HNRNPM: variants seen among roughly 807,000 people sequenced by gnomAD.
The protein encoded by HNRNPM is CEA receptor.
HNRNPM carries 11 observed loss-of-function variants against 73.1 expected under a neutral mutation model. The ratio of observed to expected loss-of-function variants is 0.15; its 90% confidence interval spans 0.09 to 0.25. The LOEUF is 0.25. Ranked by LOEUF, HNRNPM falls within the 10% of genes least tolerant of loss-of-function variation. The probability of loss-of-function intolerance (pLI) is 1.00; values close to 1 mark genes in which losing one functional copy is unlikely to be tolerated. For synonymous variants in HNRNPM, 407 were observed against 355.2 expected, an observed-to-expected ratio of 1.15 and a Z score of -1.64; for missense variants, 789 against 1,067.9, an observed-to-expected ratio of 0.74 and a Z score of 3.64.
intron 1 of HNRNPM, among the ~76,000 whole-genome samples, chr19:8,448,655 A>T (rs980422619): frequency 2.0e-5 from 3 of 149,670 alleles, no homozygotes; most frequent in African/African-American, 4.9e-5. Context: ...TTTTTTTAAT[A>T]TTTTTTTTTA....
intron 12 of HNRNPM, among the ~76,000 whole-genome samples, chr19:8,480,694 T>C (rs1970855488): frequency 6.6e-6 from 1 of 151,956 alleles, no homozygotes; most frequent in East Asian, 1.9e-4. Context: ...GCATCTTTAC[T>C]TCTGTAGGAA....
chr19:8,487,795 A>G (rs1971418453), intron 15 of HNRNPM: 1 of 152,314 alleles, frequency 6.6e-6, no homozygotes, highest in African/African-American at 2.4e-5. Flanking sequence ...CCGTTGAGTC[A>G]TGATCTGCCT....
Position 8,467,596 on chromosome 19 carries a change from G to A in HNRNPM, c.834+12G>A. 6.3e-7 allele frequency: 1 copy of A among 1,594,564 alleles called. No homozygotes were observed. The highest frequency in any genetic ancestry group is 8.6e-7 in the Non-Finnish European group (1 of 1,162,198). On this transcript the variant is annotated intron_variant, in intron 8 of 15. Transcript: ENST00000325495. ...TGCACGTCAAGATGGTAAGTCAGTA[G>A]GATCTTTCTCTGTGATATACTCAAG...
At chr19:8,463,181 A>G (rs374866573) in intron 3 of HNRNPM, among the ~76,000 whole-genome samples, 1 of 152,224 alleles carries the variant, frequency 6.6e-6, no homozygotes, top group African/African-American at 2.4e-5. Flanking sequence ...GATTGAGTAC[A>G]GAGGGAAGCA....
chr19:8,471,766 C>T (rs919614616), intron 10 of HNRNPM, among the ~76,000 whole-genome samples: 2 of 152,126 alleles, frequency 1.3e-5, no homozygotes, highest in African/African-American at 4.8e-5. Context: ...CTCCTGACCA[C>T]GGGACCATAG....
intron 1 of HNRNPM, among the ~76,000 whole-genome samples, chr19:8,451,823 T>C (rs1968652620): frequency 1.3e-5 from 2 of 152,176 alleles, no homozygotes; most frequent in Non-Finnish European, 2.9e-5. Flanking sequence ...TGAGCCACCA[T>C]GGCCAGTCTG....
intron 9 of HNRNPM, among the ~76,000 whole-genome samples, chr19:8,470,585 C>T (rs533011382): frequency 8.5e-5 from 13 of 152,326 alleles, no homozygotes; most frequent in East Asian, 3.9e-4. Flanking sequence ...GCCTTGGCCT[C>T]CCAAAGTGCT....
chr19:8,488,692 C>T lies in HNRNPM; in HGVS notation c.2031C>T (p.Gly677=). 6.2e-7 allele frequency: 1 copy of T among 1,612,882 alleles called. No individual in the cohort carries two copies. Among genetic ancestry groups the T allele is most frequent in the Non-Finnish European group, 8.5e-7 (1 of 1,179,210 alleles). The stretch of plus-strand genomic sequence containing the variant: ...TCTCTTCTTCCCTCCCTGTCCTAGG[C>T]CACGTGCTGTACGCCGACATCAAGA... ...KMLKDKFNEC[G]HVLYADIKME... is the part of the protein sequence containing the mutation. The change falls in exon 16 of 16, where the codon GGC becomes GGT. Residue 677 remains glycine (G), a splice_region_variant and synonymous_variant. Coordinates refer to ENST00000325495, the MANE Select transcript of HNRNPM (RefSeq NM_005968.5).
Position 8,467,463 on chromosome 19 carries a change from T to C in HNRNPM, c.785-72T>C, listed in dbSNP as rs904387814. ...GAGGGACTGGTAGCAGTTGGAGTAT[T>C]TTTCTTTCTTTTTGTATTTCTCTTG... On this transcript the variant is annotated intron_variant, in intron 7 of 15. Transcript: ENST00000325495. 2.0e-5 allele frequency: 22 copies of C among 1,125,256 alleles called. No individual in the cohort carries two copies. In the Admixed American group the frequency reaches 3.6e-4, roughly 18 times the overall value. The allele number at this position is 1,125,256 out of a possible 1,614,324, so 69.7% of individuals were successfully genotyped here.
At chr19:8,457,854 G>A (rs548864240) in intron 2 of HNRNPM, among the ~76,000 whole-genome samples, 6 of 152,308 alleles carry the variant, frequency 3.9e-5, no homozygotes, top group African/African-American at 1.4e-4. Context: ...TTATACATAG[G>A]AAGAACTGGC....
intron 12 of HNRNPM, among the ~76,000 whole-genome samples, chr19:8,479,157 C>G (rs1439274226): frequency 1.4e-5 from 2 of 139,964 alleles, no homozygotes; most frequent in African/African-American, 5.3e-5. Context: ...GCGATCTCAG[C>G]TCACTGCGGC....
chr19:8,478,758 C>G (rs1402358855), intron 12 of HNRNPM, among the ~76,000 whole-genome samples: 1 of 152,188 alleles, frequency 6.6e-6, no homozygotes, highest in Non-Finnish European at 1.5e-5. Context: ...GAAACTGCTG[C>G]GTGTACTTGA....
At chr19:8,482,354 G>T (rs540783126) in intron 12 of HNRNPM, among the ~76,000 whole-genome samples, 1 of 152,302 alleles carries the variant, frequency 6.6e-6, no homozygotes, top group East Asian at 1.9e-4. Context: ...AGACCAGAGC[G>T]GGTGGGTACA....
chr19:8,483,271 T>G, intron 13 of HNRNPM, 60 bp downstream of exon 13: 3 of 1,339,824 alleles, frequency 2.2e-6, no homozygotes, highest in Non-Finnish European at 3.2e-6. Flanking sequence ...CGCTGGGGAC[T>G]GTAGAGCTTA....
chr19:8,456,350 TCTTC>T (rs1969025235), intron 2 of HNRNPM, among the ~76,000 whole-genome samples: 1 of 152,188 alleles, frequency 6.6e-6, no homozygotes, highest in South Asian at 2.1e-4. Context: ...GCTGCTATCG[TCTTC>T]CTTTCTTTCC....
intron 12 of HNRNPM, among the ~76,000 whole-genome samples, chr19:8,477,660 CAAAAAAA>C (rs35193948): frequency 2.9e-4 from 34 of 117,084 alleles, no homozygotes; most frequent in African/African-American, 1.3e-3. Context: ...AACCCTGTCT[CAAAAAAA>C]AAAAAAAAAA....
At chr19:8,445,206 G>T in intron 1 of HNRNPM, 95 bp downstream of exon 1, 3 of 1,139,888 alleles carry the variant, frequency 2.6e-6, no homozygotes, top group Non-Finnish European at 3.4e-6. Flanking sequence ...GCCTAGCCCC[G>T]GCGCGGCCTC....
At chr19:8,481,829 G>C (rs966699129) in intron 12 of HNRNPM, among the ~76,000 whole-genome samples, 1 of 152,196 alleles carries the variant, frequency 6.6e-6, no homozygotes, top group African/African-American at 2.4e-5. Context: ...CGTCCCGGGA[G>C]AATGAGCTGT....
At chr19:8,452,653 G>T (rs981811171) in intron 1 of HNRNPM, among the ~76,000 whole-genome samples, 1 of 152,124 alleles carries the variant, frequency 6.6e-6, no homozygotes, top group African/African-American at 2.4e-5. Context: ...CTGCCAGCCC[G>T]TGGGAAGGGA....
Sources: gnomAD v4.1 joint callset for allele counts (sites outside exome capture counted in the v4.1 genomes callset) on GRCh38, gnomAD v4.1.1 for gene constraint, MANE v1.5 for transcripts, NCBI Gene and HGNC (gene_info 2026-07-23, HGNC 2026-07-21) for gene names.